The following TNFSF4 variants were observed in gnomAD, a reference collection of about 807,000 sequenced individuals.
TNFSF4 encodes the protein tumor necrosis factor ligand superfamily member 4.
A neutral mutation model predicts 7.3 loss-of-function variants in TNFSF4; 4 were observed. The ratio of observed to expected loss-of-function variants is 0.55; its 90% CI spans 0.27 to 1.25. The LOEUF is 1.25. TNFSF4 is among the 50% of genes most tolerant of loss of function. The pLI, the probability that TNFSF4 is intolerant of heterozygous loss-of-function variation, is 0.12. For missense variants in TNFSF4, 181 were observed against 208.8 expected, an observed-to-expected ratio of 0.87 and a Z score of 0.82; for synonymous variants, 76 against 83.7, an observed-to-expected ratio of 0.91 and a Z score of 0.50.
chr1:173,189,731 T>C (rs1456012140), intron 1 of TNFSF4, among the ~76,000 whole-genome samples: 1 of 152,052 alleles, frequency 6.6e-6, no homozygotes, highest in African/African-American at 2.4e-5. Context: ...GTGTGGGCAT[T>C]GAAAGAATAT....
At chr1:173,180,393 A>G (rs186894989), downstream of TNFSF4, among the ~76,000 whole-genome samples, 1 of 152,306 alleles carries the variant, frequency 6.6e-6, no homozygotes, top group East Asian at 1.9e-4. Context: ...GTAGACACAC[A>G]ATACATACAG....
intron 1 of TNFSF4, 80 bp from the exon 2 acceptor site, chr1:173,188,649 GA>G: frequency 1.6e-6 from 2 of 1,224,446 alleles, no homozygotes; most frequent in Non-Finnish European, 2.4e-6. Context: ...ATGGAACAGT[GA>G]AGCAGAAATG....
the TNFSF4 span, among the ~76,000 whole-genome samples, chr1:173,177,098 CA>C: frequency 6.6e-6 from 1 of 152,076 alleles, no homozygotes; most frequent in Non-Finnish European, 1.5e-5. Flanking sequence ...GTAACAAACC[CA>C]CACATGTAGC....
At chr1:173,382,906 AC>A in the TNFSF4 span, among the ~76,000 whole-genome samples, 83,092 of 149,510 alleles carry the variant, frequency 0.56, 22,910 homozygotes, top group East Asian at 0.62. Flanking sequence ...ACACACACAC[AC>A]ACAAAGGTGC....
intron 1 of TNFSF4, among the ~76,000 whole-genome samples, chr1:173,201,607 A>G (rs1447910436): frequency 6.6e-6 from 1 of 152,212 alleles, no homozygotes; most frequent in Non-Finnish European, 1.5e-5. Context: ...AATTTCAAGA[A>G]ATTTACTTGG....
the TNFSF4 span, among the ~76,000 whole-genome samples, chr1:173,344,255 A>C: frequency 6.6e-6 from 1 of 152,244 alleles, no homozygotes; most frequent in Non-Finnish European, 1.5e-5. Context: ...ATTGTACAGC[A>C]GTAAATAGCA....
chr1:173,379,441 G>A, the TNFSF4 span, among the ~76,000 whole-genome samples: 1 of 152,154 alleles, frequency 6.6e-6, no homozygotes, highest in African/African-American at 2.4e-5. Context: ...AAAGGAAGAA[G>A]ATCCTTCTGC....
the TNFSF4 span, among the ~76,000 whole-genome samples, chr1:173,237,498 C>G: frequency 6.6e-6 from 1 of 152,106 alleles, no homozygotes; most frequent in African/African-American, 2.4e-5. Context: ...GATTCTATAT[C>G]TAGAAAATCC....
At chr1:173,189,239 G>A (rs184910847) in intron 1 of TNFSF4, among the ~76,000 whole-genome samples, 88 of 152,268 alleles carry the variant, frequency 5.8e-4, no homozygotes, top group African/African-American at 2.0e-3. Context: ...ATATTGTTAA[G>A]AAACCTATTC....
chr1:173,256,108 A>T, the TNFSF4 span, among the ~76,000 whole-genome samples: 2 of 152,232 alleles, frequency 1.3e-5, no homozygotes, highest in African/African-American at 2.4e-5. Context: ...AATTGTCCAT[A>T]AACATATCAA....
the TNFSF4 span, among the ~76,000 whole-genome samples, chr1:173,395,189 G>C: frequency 6.6e-6 from 1 of 151,150 alleles, no homozygotes; most frequent in African/African-American, 2.4e-5. Context: ...TTCTGAATTG[G>C]TTCCAGGGTT....
the TNFSF4 span, among the ~76,000 whole-genome samples, chr1:173,402,836 G>A: frequency 6.6e-6 from 1 of 151,770 alleles, no homozygotes; most frequent in Non-Finnish European, 1.5e-5. Context: ...AGTCTGAGGT[G>A]AGGCCTGAGA....
the TNFSF4 span, among the ~76,000 whole-genome samples, chr1:173,328,763 C>T: frequency 3.1e-4 from 47 of 151,980 alleles, no homozygotes; most frequent in African/African-American, 1.1e-3. Context: ...GTCCATTTTT[C>T]TCTGTGTTAT....
the TNFSF4 span, among the ~76,000 whole-genome samples, chr1:173,285,569 T>C: frequency 3.9e-4 from 59 of 152,248 alleles, 1 homozygote; most frequent in African/African-American, 1.3e-3. Flanking sequence ...TCAGCAACTT[T>C]ATTGTTGTCT....
chr1:173,429,847 AC>A, the TNFSF4 span, among the ~76,000 whole-genome samples: 1 of 152,248 alleles, frequency 6.6e-6, no homozygotes, highest in Admixed American at 6.5e-5. Context: ...CCTTAAAGTG[AC>A]ATTGGTCATA....
chr1:173,205,486 C>T lies in TNFSF4; in HGVS notation c.153+1538G>A. ...CAGCAAGCTGTACAACTGTGGTTCA[C>T]CTTTTGCTCTCTCCTGCTCAGAGCC... is the stretch of plus-strand genomic sequence containing the variant. On this transcript the variant is annotated intron_variant, in intron 1 of 2. Transcript: ENST00000281834. The T allele has an allele frequency of 3.3e-6, 5 of 1,492,624 alleles. No individual in the cohort carries two copies. In the South Asian group the frequency reaches 6.7e-5, roughly 20 times the overall value. 92.5% of individuals were successfully genotyped at this position (1,492,624 alleles called of 1,614,324 possible). A position where few individuals can be genotyped will look rare whatever the true frequency, so the allele number is the denominator to read the frequency against.
rs759380213 is a variant in TNFSF4 at position 173,183,976 on chromosome 1, G to A, written c.*2540C>T. The A allele has an allele frequency of 1.3e-5, 2 of 152,126 alleles. No individual in the cohort carries two copies. The highest frequency in any genetic ancestry group is 2.9e-5 in the Non-Finnish European group (2 of 68,022). 9.4% of individuals were successfully genotyped at this position (152,126 alleles called of 1,614,324 possible). A position where few individuals can be genotyped will look rare whatever the true frequency, so the allele number is the denominator to read the frequency against. On this transcript the variant is annotated 3_prime_UTR_variant, in exon 3 of 3. Coordinates refer to ENST00000281834, the MANE Select transcript of TNFSF4 (RefSeq NM_003326.5). ...TAACAATTGATAACTGCTCTTGAAG[G>A]ACTCACAAAGATGGCTGAGGAAGAT...
chr1:173,294,360 C>T, the TNFSF4 span, among the ~76,000 whole-genome samples: 1 of 152,034 alleles, frequency 6.6e-6, no homozygotes, highest in East Asian at 1.9e-4. Flanking sequence ...GAACAGAAAA[C>T]CAAATACTGC....
At chr1:173,193,184 A>G (rs1358915101) in intron 1 of TNFSF4, among the ~76,000 whole-genome samples, 1 of 152,188 alleles carries the variant, frequency 6.6e-6, no homozygotes, top group Non-Finnish European at 1.5e-5. Context: ...CCCCACACAT[A>G]GACTTAGTGT....
Sources: allele counts gnomAD v4.1 joint callset (sites outside exome capture counted in the v4.1 genomes callset), GRCh38; gene constraint gnomAD v4.1.1; transcripts MANE v1.5; gene names NCBI Gene and HGNC (gene_info 2026-07-23, HGNC 2026-07-21).